Variants in ENPP1 observed in about 807,000 individuals in gnomAD.
ENPP1 encodes the protein ectonucleotide pyrophosphatase/phosphodiesterase family member 1.
Under a neutral mutation model 122.8 loss-of-function variants are expected in ENPP1, and 73 were observed. The observed-to-expected ratio is 0.59, with a 90% CI of 0.49 to 0.72. ENPP1 has a LOEUF of 0.72. ENPP1 is among the 30% of genes least tolerant of loss of function. ENPP1 has a pLI of 0.00. For synonymous variants in ENPP1, 367 were observed against 391.6 expected (o/e 0.94, Z 0.74); for missense variants, 978 against 1,128.1 (o/e 0.87, Z 1.91).
chr6:131,837,022 A>G (rs1290412204), intron 1 of ENPP1, among the ~76,000 whole-genome samples: 1 of 150,938 alleles, frequency 6.6e-6, no homozygotes, highest in Non-Finnish European at 1.5e-5. Flanking sequence ...GCAGAGGCAA[A>G]GGAAACCAGT....
intron 24 of ENPP1, among the ~76,000 whole-genome samples, chr6:131,889,882 G>T (rs1404678073): frequency 2.0e-5 from 3 of 152,154 alleles, no homozygotes; most frequent in Non-Finnish European, 2.9e-5. Flanking sequence ...TTCCACAGTG[G>T]TTGCACTAAT....
intron 11 of ENPP1, 116 bp downstream of exon 11, chr6:131,865,054 G>C: frequency 1.3e-6 from 1 of 747,828 alleles, no homozygotes; most frequent in South Asian, 1.4e-5. Flanking sequence ...GAAAAAGCAA[G>C]TATTATACAC....
chr6:131,878,424 A>G (rs1782262941), intron 18 of ENPP1, 118 bp from the exon 19 acceptor site: 4 of 738,946 alleles, frequency 5.4e-6, no homozygotes, highest in South Asian at 1.5e-5. Context: ...CCACTAATAC[A>G]AGACTATCAT....
intron 1 of ENPP1, among the ~76,000 whole-genome samples, chr6:131,843,788 G>A (rs750239093): frequency 1.9e-4 from 29 of 151,026 alleles, no homozygotes; most frequent in African/African-American, 6.1e-4. Flanking sequence ...CTCTTCCCTC[G>A]TTGACAGTCT....
In ENPP1 at chr6:131,885,045, C is replaced by T. The variant is rs573370746; in HGVS notation, c.2426C>T (p.Ser809Phe). Reference sequence around the variant, plus strand: ...TTTGATTATGATGGACGTTGTGATTCCTTAGAGAATCTGAGGCAGTAAGAA... The same window carrying T: ...TTTGATTATGATGGACGTTGTGATTTCTTAGAGAATCTGAGGCAGTAAGAA... ...FDFDYDGRCD[S>F]LENLRQKRRV... The change falls in exon 23 of 25, where the codon TCC becomes TTC. Residue 809 changes from serine (S) to phenylalanine (F), a missense_variant. Around this residue, in one of 3 missense-constraint regions of ENPP1, gnomAD observed 644 missense variants for 781.5 expected, o/e 0.82. Transcript: ENST00000647893. The T allele has an allele frequency of 3.7e-6, 6 of 1,613,884 alleles. No individual in the cohort carries two copies. In the Admixed American group the frequency reaches 6.7e-5, roughly 18 times the overall value.
Position 131,879,838 on chromosome 6 carries a change from T to C in ENPP1, c.1946-42T>C, listed in dbSNP as rs369578008. The stretch of plus-strand genomic sequence containing the variant: ...GTGTATCACACTATATATTATCATA[T>C]AATGCACACTAACTACATTTATTTT... On this transcript the variant is annotated intron_variant, in intron 19 of 24. Coordinates refer to ENST00000647893, the MANE Select transcript of ENPP1 (RefSeq NM_006208.3). The C allele has an allele frequency of 3.4e-4, 525 of 1,554,244 alleles. 1 individual carries two copies. The Middle Eastern group carries it at 4.2e-3, about 12-fold the overall frequency.
chr6:131,889,878 A>C (rs1040098391), intron 24 of ENPP1, among the ~76,000 whole-genome samples: 5 of 152,208 alleles, frequency 3.3e-5, no homozygotes, highest in Non-Finnish European at 5.9e-5. Context: ...TGTCTTCCAC[A>C]GTGGTTGCAC....
At chr6:131,889,409 AG>A (rs1782433098) in intron 24 of ENPP1, among the ~76,000 whole-genome samples, 1 of 134,650 alleles carries the variant, frequency 7.4e-6, no homozygotes, top group Non-Finnish European at 1.6e-5. Context: ...AACAGGCCCC[AG>A]TGTATTTTCT....
chr6:131,861,655 G>A lies in ENPP1; in HGVS notation c.976G>A (p.Asp326Asn). 6.8e-6 allele frequency: 11 copies of A among 1,613,824 alleles called. No individual in the cohort carries two copies. The highest frequency in any genetic ancestry group is 8.5e-6 in the Non-Finnish European group (10 of 1,179,754). ...TGGCACATTTTTCTGGCCAGGATCA[G>A]ATGTGGAAATTAACGGAATTTTCCC... ...KSGTFFWPGS[D>N]VEINGIFPDI... Residue 326 changes from aspartate (D) to asparagine (N), a missense_variant, in exon 9 of 25, where the codon GAT becomes AAT. This residue lies in a region of ENPP1 where 644 missense variants were observed against 781.5 expected (regional missense o/e 0.82). Coordinates refer to ENST00000647893, the MANE Select transcript of ENPP1 (RefSeq NM_006208.3).
intron 13 of ENPP1, among the ~76,000 whole-genome samples, chr6:131,870,312 G>A (rs1214315801): frequency 6.6e-6 from 1 of 152,132 alleles, no homozygotes; most frequent in Non-Finnish European, 1.5e-5. Context: ...CTTTTACATA[G>A]GGAAGAATGA....
intron 1 of ENPP1, among the ~76,000 whole-genome samples, chr6:131,810,072 A>G (rs1164976247): frequency 6.6e-6 from 1 of 152,218 alleles, no homozygotes; most frequent in Admixed American, 6.5e-5. Context: ...AAATGTTACC[A>G]AATAGACCTG....
rs1221603437 is a variant in ENPP1 at position 131,864,394 on chromosome 6, AG to A, written c.1026-111del. ...TAAAACCCTTGATTTCAAACACAAT[AG>A]ATGCGAAATAGCATTTAGTAGCTCT... On this transcript the variant is annotated intron_variant, in intron 9 of 24. Transcript: ENST00000647893. 49 of 717,530 alleles carry A rather than the reference AG, an allele frequency of 6.8e-5. No individual in the cohort carries two copies. The African/African-American group carries it at 7.5e-4, about 11-fold the overall frequency. 44.4% of individuals were successfully genotyped at this position (717,530 alleles called of 1,614,324 possible).
In ENPP1 at chr6:131,832,510, G is replaced by A. The variant is rs146118977; in HGVS notation, c.241-15266G>A. Reference sequence around the variant, plus strand: ...GAGAAAGGCAAGCATGCTTCCTCAGGTGGGCAGGGAGCCATCTTGGTTTGT... The same window carrying A: ...GAGAAAGGCAAGCATGCTTCCTCAGATGGGCAGGGAGCCATCTTGGTTTGT... On this transcript the variant is annotated intron_variant, in intron 1 of 24. Transcript: ENST00000647893. Among the ~76,000 whole-genome samples, 112 of 152,324 alleles carry A rather than the reference G, an allele frequency of 7.4e-4. 2 individuals are homozygous for A. The Middle Eastern group carries it at 0.014, about 19-fold the overall frequency.
intron 1 of ENPP1, among the ~76,000 whole-genome samples, chr6:131,829,760 A>T (rs566051200): frequency 2.1e-4 from 32 of 152,346 alleles, no homozygotes; most frequent in African/African-American, 7.2e-4. Flanking sequence ...GGGCAAAAGA[A>T]AAAGGTGATG....
At chr6:131,858,969 A>G (rs535811877) in intron 7 of ENPP1, among the ~76,000 whole-genome samples, 2 of 152,316 alleles carry the variant, frequency 1.3e-5, no homozygotes, top group Admixed American at 6.5e-5. Context: ...GTGAAAAGAG[A>G]TGACTCAAGA....
intron 18 of ENPP1, among the ~76,000 whole-genome samples, 173 bp from the exon 19 acceptor site, chr6:131,878,369 C>G (rs1038430685): frequency 6.6e-6 from 1 of 152,016 alleles, no homozygotes; most frequent in African/African-American, 2.4e-5. Flanking sequence ...GCACACCAGC[C>G]TGGGTGAAAG....
chr6:131,819,087 G>A (rs181545136), intron 1 of ENPP1, among the ~76,000 whole-genome samples: 1 of 151,856 alleles, frequency 6.6e-6, no homozygotes, highest in Non-Finnish European at 1.5e-5. Flanking sequence ...GAGGAATGTG[G>A]TTTTTTTTCA....
chr6:131,826,848 G>T, intron 1 of ENPP1: 1 of 375,036 alleles, frequency 2.7e-6, no homozygotes. Flanking sequence ...TCCCTGTGTG[G>T]GGCAGAAAAG....
intron 1 of ENPP1, among the ~76,000 whole-genome samples, chr6:131,837,219 G>C (rs1781685987): frequency 8.1e-6 from 1 of 123,776 alleles, no homozygotes; most frequent in Non-Finnish European, 1.8e-5. Context: ...TGTGTAGTTT[G>C]ATAAATTACT....
Sources: gnomAD v4.1 joint callset for allele counts (sites outside exome capture counted in the v4.1 genomes callset) on GRCh38, gnomAD v4.1.1 for gene constraint, gnomAD v4.1.1 regional missense constraint, MANE v1.5 for transcripts, NCBI Gene and HGNC (gene_info 2026-07-23, HGNC 2026-07-21) for gene names.